Variants in CACNA1A observed in about 807,000 individuals in gnomAD.
The protein encoded by CACNA1A is calcium voltage-gated channel subunit alpha1 A.
In CACNA1A, 57 loss-of-function variants were observed where a neutral mutation model predicts 262.4. The ratio of observed to expected loss-of-function variants is 0.22; its 90% CI spans 0.18 to 0.27. CACNA1A has a LOEUF of 0.27. CACNA1A is among the 10% of genes least tolerant of loss of function. CACNA1A has a pLI of 1.00. For missense variants in CACNA1A, 2,526 were observed against 3,562.8 expected (o/e 0.71, Z 7.41); for synonymous variants, 1,431 against 1,419.3 (o/e 1.01, Z -0.18).
At chr19:13,434,972 TAG>T (rs1346275492) in intron 3 of CACNA1A, among the ~76,000 whole-genome samples, 2 of 151,920 alleles carry the variant, frequency 1.3e-5, no homozygotes, top group African/African-American at 2.4e-5. Context: ...GTACTTTTAG[TAG>T]AGACAGGATT....
chr19:13,363,049 C>T (rs1471282642), intron 5 of CACNA1A: 1 of 152,112 alleles, frequency 6.6e-6, no homozygotes, highest in Non-Finnish European at 1.5e-5. Flanking sequence ...ATATCTGTCT[C>T]TTACTCACAC....
At chr19:13,367,765 A>G (rs2059243550) in intron 4 of CACNA1A, among the ~76,000 whole-genome samples, 1 of 152,134 alleles carries the variant, frequency 6.6e-6, no homozygotes, top group Non-Finnish European at 1.5e-5. Context: ...CCGAAGGGAC[A>G]CAGTGGAACA....
At chr19:13,327,118 C>T (rs1048764329) in intron 10 of CACNA1A, among the ~76,000 whole-genome samples, 25 of 152,060 alleles carry the variant, frequency 1.6e-4, no homozygotes, top group East Asian at 3.9e-4. Flanking sequence ...TGACCTCAAA[C>T]GATCCTCCCA....
intron 36 of CACNA1A, 61 bp downstream of exon 36, chr19:13,230,021 C>T (rs1305670705): frequency 2.7e-5 from 42 of 1,580,320 alleles, no homozygotes; most frequent in Admixed American, 5.2e-5. Flanking sequence ...TGACCTAGCC[C>T]GTGTTCCAGT....
At chr19:13,338,523 T>A (rs1282234756) in intron 6 of CACNA1A, among the ~76,000 whole-genome samples, 1 of 150,966 alleles carries the variant, frequency 6.6e-6, no homozygotes, top group African/African-American at 2.4e-5. Context: ...TTGCAAACAA[T>A]CCACACTGTT....
intron 1 of CACNA1A, among the ~76,000 whole-genome samples, chr19:13,466,687 CAAT>C (rs1007386823): frequency 5.4e-5 from 8 of 149,518 alleles, no homozygotes; most frequent in East Asian, 2.1e-4. Flanking sequence ...CTACTTTCTT[CAAT>C]AATAATAATA....
intron 1 of CACNA1A, among the ~76,000 whole-genome samples, chr19:13,473,550 A>G (rs1386936299): frequency 1.3e-5 from 2 of 152,236 alleles, no homozygotes; most frequent in Non-Finnish European, 2.9e-5. Context: ...TGGCAGCCCT[A>G]GGAAACAAAC....
intron 28 of CACNA1A, 116 bp downstream of exon 28, chr19:13,257,234 A>G (rs1205418233): frequency 2.6e-6 from 2 of 773,514 alleles, no homozygotes; most frequent in Non-Finnish European, 2.1e-6. Flanking sequence ...GGTTGGGACA[A>G]TGCTTCTGTT....
At chr19:13,328,815 C>T (rs979102173) in intron 10 of CACNA1A, among the ~76,000 whole-genome samples, 3 of 151,936 alleles carry the variant, frequency 2.0e-5, no homozygotes, top group Non-Finnish European at 4.4e-5. Context: ...AAACTAGGGG[C>T]GAGCGATAAA....
intron 1 of CACNA1A, among the ~76,000 whole-genome samples, chr19:13,502,087 A>G (rs1257021838): frequency 6.6e-6 from 1 of 151,248 alleles, no homozygotes; most frequent in Non-Finnish European, 1.5e-5. Flanking sequence ...ACAGGCCAAG[A>G]GTCTGATAAC....
chr19:13,440,815 G>GT (rs2144877430), intron 3 of CACNA1A, among the ~76,000 whole-genome samples: 2 of 152,270 alleles, frequency 1.3e-5, no homozygotes, highest in Admixed American at 1.3e-4. Flanking sequence ...GTTGTTTTGT[G>GT]TTTTGTTTTG....
chr19:13,399,663 G>C (rs529332835), intron 3 of CACNA1A, among the ~76,000 whole-genome samples: 1 of 152,222 alleles, frequency 6.6e-6, no homozygotes, highest in East Asian at 1.9e-4. Context: ...CTTTCCTCAA[G>C]CAACGACAGG....
intron 7 of CACNA1A, 68 bp from the exon 8 acceptor site, chr19:13,334,561 T>TTGTGTGTGTGTGTGTG (rs1196739807): frequency 1.9e-4 from 59 of 312,722 alleles, no homozygotes; most frequent in African/African-American, 1.8e-3. Flanking sequence ...GTGTGTGTGT[T>TTGTGTGTGTGTGTGTG]TGTGTGTGTG....
chr19:13,480,244 C>A (rs1323958631), intron 1 of CACNA1A, among the ~76,000 whole-genome samples: 1 of 152,192 alleles, frequency 6.6e-6, no homozygotes, highest in Non-Finnish European at 1.5e-5. Context: ...ACCTCTGCCA[C>A]CCCTGAGACA....
chr19:13,252,855 G>T, intron 30 of CACNA1A, 136 bp downstream of exon 30: 1 of 570,060 alleles, frequency 1.8e-6, no homozygotes, highest in Non-Finnish European at 3.1e-6. Context: ...TAGGATCTGT[G>T]GCCACTGGCA....
intron 3 of CACNA1A, among the ~76,000 whole-genome samples, chr19:13,414,372 C>T (rs1286304128): frequency 6.6e-6 from 1 of 152,118 alleles, no homozygotes; most frequent in Non-Finnish European, 1.5e-5. Context: ...TGCACTCCAG[C>T]CTAGGCAATA....
chr19:13,208,969 G>T lies in CACNA1A; in HGVS notation c.6567C>A (p.Asp2189Glu). 2 of 1,537,528 alleles carry T rather than the reference G, an allele frequency of 1.3e-6. No individual in the cohort carries two copies. The highest frequency in any genetic ancestry group is 1.2e-5 in the South Asian group (1 of 84,068). The change falls in exon 46 of 47, where the codon GAC becomes GAA. Residue 2189 changes from aspartate to glutamate, a missense_variant. By Grantham distance (45) the Asp-to-Glu change is conservative. Transcript: ENST00000360228. Reference sequence around the variant, plus strand: ...CCTGGTCCCGCTCCTTCGACGGCAGGTCCCCGGATTGGGTGGTCATGCTCA... The same window carrying T: ...CCTGGTCCCGCTCCTTCGACGGCAGTTCCCCGGATTGGGTGGTCATGCTCA... Reference protein sequence around the residue: ...TDLSMTTQSGDLPSKERDQER... With the variant: ...TDLSMTTQSGELPSKERDQER...
intron 23 of CACNA1A, among the ~76,000 whole-genome samples, chr19:13,276,234 T>C (rs2057144801): frequency 6.6e-6 from 1 of 152,146 alleles, no homozygotes; most frequent in African/African-American, 2.4e-5. Flanking sequence ...AAATCCCTCA[T>C]TGGTGGCTCT....
At chr19:13,349,572 AAC>A (rs2058867785) in intron 6 of CACNA1A, among the ~76,000 whole-genome samples, 1 of 152,162 alleles carries the variant, frequency 6.6e-6, no homozygotes, top group Non-Finnish European at 1.5e-5. Flanking sequence ...GTCTCCAGCA[AAC>A]AGTTTTGTTG....
Sources: gnomAD v4.1 joint callset for allele counts (sites outside exome capture counted in the v4.1 genomes callset) on GRCh38, gnomAD v4.1.1 for gene constraint, MANE v1.5 for transcripts, NCBI Gene and HGNC (gene_info 2026-07-23, HGNC 2026-07-21) for gene names.